ARHGAP26: variants seen among roughly 807,000 people sequenced by gnomAD.
The protein encoded by ARHGAP26 is Rho GTPase activating protein 26.
Under a neutral mutation model 104.8 loss-of-function variants are expected in ARHGAP26, and 38 were observed. That is an observed-to-expected ratio of 0.36 (90% CI 0.28 to 0.48). The LOEUF is 0.48. Ranked by LOEUF, ARHGAP26 falls within the 20% of genes least tolerant of loss-of-function variation. ARHGAP26 has a pLI of 0.99. For missense variants in ARHGAP26, 704 were observed against 947.9 expected (o/e 0.74, Z 3.38); for synonymous variants, 341 against 340.0 (o/e 1.00, Z -0.03).
In ARHGAP26 at chr5:142,885,302, C is replaced by A; in HGVS notation, c.389C>A (p.Ala130Asp). 6.2e-7 allele frequency: 1 copy of A among 1,612,452 alleles called. No homozygotes were observed. Among genetic ancestry groups the A allele is most frequent in the African/African-American group, 1.3e-5 (1 of 74,756 alleles). Residue 130 changes from alanine to aspartate, a missense_variant, in exon 5 of 23, where the codon GCC becomes GAC. Physicochemically the swap from Ala to Asp is moderately radical, Grantham distance 126. Around this residue, in one of 6 missense-constraint regions of ARHGAP26, gnomAD observed 106 missense variants for 120.5 expected, o/e 0.88. Transcript: ENST00000645722. ...RKEQIGAAKE[A>D]KKKYDKETEK... ...TCTCTTCTCTTTTTTTGCCAGGAAG[C>A]CAAAAAGAAGTATGACAAAGAGACA...
chr5:143,177,063 A>G lies in ARHGAP26; in HGVS notation c.1988+29682A>G, dbSNP rs1803568927. ...GACCTTTATATTATATGTAGGGACC[A>G]TACCTCTTCATTTGCCTGTTAGTTC... On this transcript the variant is annotated intron_variant, in intron 20 of 22. Transcript: ENST00000645722. Among the ~76,000 whole-genome samples the G allele has an allele frequency of 1.3e-5, 2 of 152,240 alleles. 1 individual carries two copies. Among genetic ancestry groups the G allele is most frequent in the South Asian group, 4.1e-4 (2 of 4,838 alleles).
chr5:143,101,088 A>C (rs748817451), intron 17 of ARHGAP26, among the ~76,000 whole-genome samples: 5 of 152,144 alleles, frequency 3.3e-5, no homozygotes, highest in Non-Finnish European at 7.4e-5. Context: ...GCAAGACTCT[A>C]TCTCAAAAAA....
At chr5:142,913,378 C>CT (rs1243443792) in intron 10 of ARHGAP26, 85 bp downstream of exon 10, 2 of 1,215,660 alleles carry the variant, frequency 1.6e-6, no homozygotes, top group Admixed American at 1.8e-5. Context: ...ACCTTTTCTG[C>CT]TTTTTTCCCC....
chr5:142,996,861 AAGAG>A (rs1052369549), intron 11 of ARHGAP26, among the ~76,000 whole-genome samples: 1 of 151,640 alleles, frequency 6.6e-6, no homozygotes, highest in African/African-American at 2.4e-5. Context: ...GGCTTATAGA[AAGAG>A]AGAGAGAGAG....
intron 12 of ARHGAP26, among the ~76,000 whole-genome samples, chr5:143,033,627 T>C (rs1782201338): frequency 6.6e-6 from 1 of 152,188 alleles, no homozygotes; most frequent in South Asian, 2.1e-4. Flanking sequence ...CTTTTATCGA[T>C]GTTCAGAGGG....
intron 10 of ARHGAP26, among the ~76,000 whole-genome samples, chr5:142,931,459 T>C (rs1562102067): frequency 6.6e-6 from 1 of 152,206 alleles, no homozygotes; most frequent in African/African-American, 2.4e-5. Flanking sequence ...CTCATGCATG[T>C]AAAGCACTTA....
chr5:143,164,207 A>C (rs942129005), intron 20 of ARHGAP26, among the ~76,000 whole-genome samples: 1 of 152,212 alleles, frequency 6.6e-6, no homozygotes, highest in African/African-American at 2.4e-5. Context: ...ATGGAAAAGG[A>C]AAGTTTTGAG....
At chr5:142,841,300 TG>T (rs758148594) in intron 1 of ARHGAP26, among the ~76,000 whole-genome samples, 88 of 152,284 alleles carry the variant, frequency 5.8e-4, no homozygotes, top group Non-Finnish European at 8.7e-4. Flanking sequence ...TAATGTCAGA[TG>T]AAGTGTCAAG....
At chr5:142,784,142 C>T (rs1340762041) in intron 1 of ARHGAP26, among the ~76,000 whole-genome samples, 4 of 152,218 alleles carry the variant, frequency 2.6e-5, no homozygotes, top group African/African-American at 9.6e-5. Flanking sequence ...TACCATGCTG[C>T]CAGCTCTGTT....
chr5:142,811,935 T>G (rs946277720), intron 1 of ARHGAP26, among the ~76,000 whole-genome samples: 3 of 152,220 alleles, frequency 2.0e-5, no homozygotes, highest in African/African-American at 7.2e-5. Context: ...GAACCTCTTA[T>G]GGCTTGCAGC....
intron 11 of ARHGAP26, among the ~76,000 whole-genome samples, chr5:142,994,324 C>A (rs866936434): frequency 8.7e-4 from 132 of 152,184 alleles, no homozygotes; most frequent in African/African-American, 2.9e-3. Flanking sequence ...GAGGAAACAG[C>A]TAGTAGTTGC....
At chr5:143,200,526 T>C (rs1265386142) in intron 20 of ARHGAP26, among the ~76,000 whole-genome samples, 4 of 152,102 alleles carry the variant, frequency 2.6e-5, no homozygotes, top group Non-Finnish European at 5.9e-5. Context: ...AAAGGCTATA[T>C]AATTGCATTG....
intron 15 of ARHGAP26, among the ~76,000 whole-genome samples, chr5:143,055,783 C>A (rs566795918): frequency 6.6e-6 from 1 of 152,282 alleles, no homozygotes; most frequent in Admixed American, 6.5e-5. Flanking sequence ...TAGACTCTTG[C>A]ATTAGCACTA....
At chr5:142,931,405 TG>T in intron 10 of ARHGAP26, among the ~76,000 whole-genome samples, 1 of 152,318 alleles carries the variant, frequency 6.6e-6, no homozygotes, top group East Asian at 1.9e-4. Context: ...GGAGGGCTTG[TG>T]CTCAGTTTTA....
intron 19 of ARHGAP26, among the ~76,000 whole-genome samples, chr5:143,140,663 C>A (rs1163134090): frequency 6.6e-6 from 1 of 151,952 alleles, no homozygotes; most frequent in African/African-American, 2.4e-5. Context: ...ATGCAGATTC[C>A]CCCCGGCCCC....
At chr5:143,222,321 GC>G in intron 22 of ARHGAP26, 36 bp from the exon 23 acceptor site, 1 of 1,462,924 alleles carries the variant, frequency 6.8e-7, no homozygotes, top group Non-Finnish European at 9.3e-7. Flanking sequence ...TATCTGTAAT[GC>G]CATCTCTTCT....
At chr5:143,213,100 G>C (rs112845750) in intron 21 of ARHGAP26, among the ~76,000 whole-genome samples, 1 of 151,970 alleles carries the variant, frequency 6.6e-6, no homozygotes, top group African/African-American at 2.4e-5. Context: ...AGCCGAGATC[G>C]CACCACTGCA....
chr5:143,215,983 G>A (rs1599559006), intron 22 of ARHGAP26, among the ~76,000 whole-genome samples: 2 of 152,178 alleles, frequency 1.3e-5, no homozygotes, highest in East Asian at 3.8e-4. Context: ...GAGTGGGATT[G>A]CAGGGTCATA....
chr5:142,816,718 G>A (rs888622841), intron 1 of ARHGAP26, among the ~76,000 whole-genome samples: 8 of 152,248 alleles, frequency 5.3e-5, no homozygotes, highest in Non-Finnish European at 7.3e-5. Flanking sequence ...AAGTTGGAAT[G>A]TATGTCACAG....
Sources: gnomAD v4.1 joint callset for allele counts (sites outside exome capture counted in the v4.1 genomes callset) on GRCh38, gnomAD v4.1.1 for gene constraint, gnomAD v4.1.1 regional missense constraint, MANE v1.5 for transcripts, NCBI Gene and HGNC (gene_info 2026-07-23, HGNC 2026-07-21) for gene names.